THRB: variants seen among roughly 807,000 people sequenced by gnomAD.
THRB encodes the protein nuclear receptor subfamily 1 group A member 2.
A neutral mutation model predicts 47.8 loss-of-function variants in THRB; 12 were observed. The observed-to-expected ratio is 0.25, with a 90% CI of 0.16 to 0.41. THRB has a LOEUF of 0.41. THRB is among the 10% of genes least tolerant of loss of function. THRB has a pLI of 1.00. For synonymous variants in THRB, 218 were observed against 212.2 expected, an observed-to-expected ratio of 1.03 and a Z score of -0.24; for missense variants, 348 against 589.2, an observed-to-expected ratio of 0.59 and a Z score of 4.24.
intron 8 of THRB, among the ~76,000 whole-genome samples, chr3:24,134,443 G>A (rs1004097130): frequency 5.3e-5 from 8 of 152,090 alleles, no homozygotes; most frequent in Admixed American, 5.2e-4. Context: ...CTACAAGTGA[G>A]CCAGCCACTT....
intron 3 of THRB, among the ~76,000 whole-genome samples, chr3:24,272,162 C>A (rs542026270): frequency 6.6e-6 from 1 of 152,032 alleles, no homozygotes. Context: ...GGCAACACAG[C>A]GAGATCTCTT....
chr3:24,214,883 G>A (rs1413419625), intron 4 of THRB, among the ~76,000 whole-genome samples: 2 of 152,196 alleles, frequency 1.3e-5, no homozygotes, highest in Non-Finnish European at 2.9e-5. Context: ...GTATTTGTTT[G>A]CAGCTCAAAT....
rs73823276 is a variant in THRB at position 24,275,461 on chromosome 3, C to T, written c.-43+21765G>A. 8.5e-3 allele frequency among the ~76,000 whole-genome samples: 1,286 copies of T among 152,182 alleles called. 22 individuals are homozygous for T. Among genetic ancestry groups the T allele is most frequent in the African/African-American group, 0.029 (1,207 of 41,532 alleles). On this transcript the variant is annotated intron_variant, in intron 3 of 10. Transcript: ENST00000646209. ...AGCCTACAGTTAGGCACCTTTGTGG[C>T]TAATGTATCTGCTGTTTGAAAACTT...
intron 8 of THRB, among the ~76,000 whole-genome samples, chr3:24,141,688 A>C (rs2035469571): frequency 6.6e-6 from 1 of 152,258 alleles, no homozygotes; most frequent in Non-Finnish European, 1.5e-5. Context: ...TAGTTGGACT[A>C]GTATCCCTTC....
At chr3:24,414,895 C>T (rs1356183939) in intron 1 of THRB, among the ~76,000 whole-genome samples, 1 of 151,854 alleles carries the variant, frequency 6.6e-6, no homozygotes, top group Non-Finnish European at 1.5e-5. Flanking sequence ...AATGAAACGG[C>T]ATTAGCTGAA....
intron 3 of THRB, among the ~76,000 whole-genome samples, chr3:24,255,880 C>A (rs1052380675): frequency 6.6e-6 from 1 of 152,144 alleles, no homozygotes; most frequent in African/African-American, 2.4e-5. Context: ...ATTTACATTT[C>A]AAAAACCACT....
At chr3:24,245,914 A>G (rs1240110092) in intron 3 of THRB, among the ~76,000 whole-genome samples, 1 of 145,538 alleles carries the variant, frequency 6.9e-6, no homozygotes, top group Non-Finnish European at 1.5e-5. Flanking sequence ...CTCTGTCACA[A>G]AACAATACAA....
rs1192546947 is a variant in THRB at position 24,118,748 on chromosome 3, TGAG to T, written c.*4133_*4135del. 1 of 152,662 alleles carries T rather than the reference TGAG, an allele frequency of 6.6e-6. No individual in the cohort carries two copies. Among genetic ancestry groups the T allele is most frequent in the Non-Finnish European group, 1.5e-5 (1 of 68,040 alleles). The allele number at this position is 152,662 out of a possible 1,614,324, so 9.5% of individuals were successfully genotyped here. ...ATTTACATGAGTATTATCTGCATCCTGAGGAGGACAGATTTATATTTGATTGTC... is the reference window on the plus strand; with the variant it reads ...ATTTACATGAGTATTATCTGCATCCTGAGGACAGATTTATATTTGATTGTC... On this transcript the variant is annotated 3_prime_UTR_variant, in exon 11 of 11. Coordinates refer to ENST00000646209, the MANE Select transcript of THRB (RefSeq NM_001354712.2).
intron 3 of THRB, among the ~76,000 whole-genome samples, chr3:24,231,980 G>C (rs943960851): frequency 1.3e-5 from 2 of 152,192 alleles, no homozygotes; most frequent in Non-Finnish European, 2.9e-5. Context: ...AGTTAGAAAG[G>C]GGTGGCTACG....
chr3:24,292,776 TAAC>T (rs2056064005), intron 3 of THRB, among the ~76,000 whole-genome samples: 1 of 152,180 alleles, frequency 6.6e-6, no homozygotes, highest in African/African-American at 2.4e-5. Context: ...TAGAATGCTA[TAAC>T]CAAGGGATTT....
intron 3 of THRB, among the ~76,000 whole-genome samples, chr3:24,267,229 G>A (rs985477962): frequency 1.6e-4 from 25 of 151,892 alleles, no homozygotes; most frequent in Non-Finnish European, 2.8e-4. Context: ...TCAGTGAAGA[G>A]GAAAATGACA....
At chr3:24,282,111 C>A (rs1333925233) in intron 3 of THRB, among the ~76,000 whole-genome samples, 2 of 119,874 alleles carry the variant, frequency 1.7e-5, no homozygotes, top group Non-Finnish European at 3.3e-5. Context: ...GAACTCTCCA[C>A]CCCAAATCAA....
At chr3:24,133,546 C>A in intron 8 of THRB, 84 bp from the exon 9 acceptor site, 1 of 1,249,164 alleles carries the variant, frequency 8.0e-7, no homozygotes, top group Non-Finnish European at 1.2e-6. Flanking sequence ...CAGAAAATCT[C>A]TTCTGAACTG....
chr3:24,270,364 AC>A (rs1480871710), intron 3 of THRB, among the ~76,000 whole-genome samples: 4 of 152,210 alleles, frequency 2.6e-5, no homozygotes, highest in African/African-American at 9.6e-5. Flanking sequence ...TCCCTGACTC[AC>A]TTTAAAAATG....
At chr3:24,137,492 G>A (rs1042234053) in intron 8 of THRB, among the ~76,000 whole-genome samples, 2 of 152,182 alleles carry the variant, frequency 1.3e-5, no homozygotes, top group Non-Finnish European at 2.9e-5. Flanking sequence ...CCTTTGAGAA[G>A]CAATGTGTGG....
At chr3:24,360,481 C>T (rs888101383) in intron 1 of THRB, among the ~76,000 whole-genome samples, 1 of 152,168 alleles carries the variant, frequency 6.6e-6, no homozygotes, top group Non-Finnish European at 1.5e-5. Flanking sequence ...TGAAGCCCTG[C>T]TCTCTATCCT....
chr3:24,166,380 C>A (rs1217037802), intron 5 of THRB, among the ~76,000 whole-genome samples: 1 of 152,150 alleles, frequency 6.6e-6, no homozygotes, highest in Non-Finnish European at 1.5e-5. Flanking sequence ...ACACTTACCA[C>A]TTTATTCCCA....
chr3:24,245,894 C>CA (rs1307429082), intron 3 of THRB, among the ~76,000 whole-genome samples: 1 of 151,852 alleles, frequency 6.6e-6, no homozygotes, highest in Non-Finnish European at 1.5e-5. Flanking sequence ...GCCTGGGCAA[C>CA]AGAGCGAGAC....
intron 3 of THRB, among the ~76,000 whole-genome samples, chr3:24,272,460 T>C (rs1039238953): frequency 2.6e-5 from 4 of 152,116 alleles, no homozygotes; most frequent in African/African-American, 7.2e-5. Flanking sequence ...CTATATACCA[T>C]GTTTGTTAAG....
Sources: allele counts gnomAD v4.1 joint callset (sites outside exome capture counted in the v4.1 genomes callset), GRCh38; gene constraint gnomAD v4.1.1; transcripts MANE v1.5; gene names NCBI Gene and HGNC (gene_info 2026-07-23, HGNC 2026-07-21).